SLC24A2: variants seen among roughly 807,000 people sequenced by gnomAD.
SLC24A2 encodes the protein solute carrier family 24 member 2, also known as sodium/potassium/calcium exchanger 2.
In SLC24A2, 36 loss-of-function variants were observed where a neutral mutation model predicts 62.0. That is an observed-to-expected ratio of 0.58 (90% CI 0.44 to 0.77). The LOEUF (loss-of-function observed/expected upper bound fraction) is 0.77, where lower values mean the gene tolerates loss of function less well. Among genes scored for constraint, SLC24A2 ranks in the 30% least tolerant of loss-of-function variants. SLC24A2 has a pLI of 0.00. For missense variants in SLC24A2, 846 were observed against 817.9 expected (o/e 1.03, Z -0.42); for synonymous variants, 358 against 294.0 (o/e 1.22, Z -2.23).
At chr9:20,235,259 C>A in the SLC24A2 span, among the ~76,000 whole-genome samples, 1 of 152,224 alleles carries the variant, frequency 6.6e-6, no homozygotes, top group Non-Finnish European at 1.5e-5. Context: ...AGCTGTCAGA[C>A]AGGGACATTT....
the SLC24A2 span, among the ~76,000 whole-genome samples, chr9:20,276,227 T>A: frequency 6.6e-6 from 1 of 152,314 alleles, no homozygotes; most frequent in East Asian, 1.9e-4. Flanking sequence ...GCAAGTTAAT[T>A]TCTTCCTAGA....
chr9:19,921,518 TAAAAAAAA>T, the SLC24A2 span, among the ~76,000 whole-genome samples: 6 of 123,208 alleles, frequency 4.9e-5, no homozygotes, highest in African/African-American at 1.6e-4. Flanking sequence ...AGACTCCGTG[TAAAAAAAA>T]AAAAAAAAAA....
the SLC24A2 span, among the ~76,000 whole-genome samples, chr9:19,816,758 CCAGAT>C: frequency 6.6e-6 from 1 of 151,962 alleles, no homozygotes; most frequent in Non-Finnish European, 1.5e-5. Flanking sequence ...TTTTAAACAA[CCAGAT>C]CTCATGAGAA....
chr9:19,550,308 A>T (rs1586941119), intron 7 of SLC24A2, 40 bp from the exon 8 acceptor site: 3 of 1,607,448 alleles, frequency 1.9e-6, no homozygotes, highest in East Asian at 4.5e-5. Flanking sequence ...AAACAAAAAA[A>T]TAAAATGTAC....
chr9:19,658,636 A>C (rs1342447055), intron 2 of SLC24A2, among the ~76,000 whole-genome samples: 1 of 151,998 alleles, frequency 6.6e-6, no homozygotes, highest in Non-Finnish European at 1.5e-5. Flanking sequence ...CACTCTCTTC[A>C]CTCTGCTGTA....
the SLC24A2 span, among the ~76,000 whole-genome samples, chr9:19,896,611 A>G: frequency 2.6e-5 from 4 of 152,306 alleles, no homozygotes; most frequent in South Asian, 8.3e-4. Context: ...GGAGCATTGG[A>G]GCAGTTAGGT....
At chr9:19,751,808 G>A (rs1236868533) in intron 2 of SLC24A2, among the ~76,000 whole-genome samples, 14 of 152,158 alleles carry the variant, frequency 9.2e-5, no homozygotes, top group South Asian at 2.1e-4. Flanking sequence ...AGGATCAGAC[G>A]TAGGAAGGGT....
At chr9:20,022,422 A>G in the SLC24A2 span, among the ~76,000 whole-genome samples, 1 of 152,222 alleles carries the variant, frequency 6.6e-6, no homozygotes, top group African/African-American at 2.4e-5. Context: ...AAGGCACAGA[A>G]CAATTATGCA....
the SLC24A2 span, among the ~76,000 whole-genome samples, chr9:20,081,670 G>C: frequency 6.6e-6 from 1 of 151,974 alleles, no homozygotes; most frequent in African/African-American, 2.4e-5. Flanking sequence ...AGGTCAAAGG[G>C]CATGTGTTAC....
At chr9:19,940,564 C>T in the SLC24A2 span, among the ~76,000 whole-genome samples, 2 of 152,054 alleles carry the variant, frequency 1.3e-5, no homozygotes, top group African/African-American at 4.8e-5. Context: ...TAACCCTCAC[C>T]CCTACCCCCA....
chr9:19,521,104 C>A (rs760157749), intron 9 of SLC24A2, 44 bp from the exon 10 acceptor site: 4 of 1,601,036 alleles, frequency 2.5e-6, no homozygotes, highest in Non-Finnish European at 2.6e-6. Flanking sequence ...TTTGAAGTTA[C>A]AAAATCATAA....
chr9:20,110,919 G>A, the SLC24A2 span, among the ~76,000 whole-genome samples: 92 of 152,148 alleles, frequency 6.0e-4, 1 homozygote, highest in African/African-American at 2.2e-3. Context: ...ACAATCAATG[G>A]CATGTCATAG....
At chr9:19,913,687 A>T in the SLC24A2 span, among the ~76,000 whole-genome samples, 5 of 152,214 alleles carry the variant, frequency 3.3e-5, no homozygotes, top group Admixed American at 3.3e-4. Context: ...TCCTTTATCA[A>T]ATACAATTTG....
At chr9:19,708,377 A>C (rs556593850) in intron 2 of SLC24A2, among the ~76,000 whole-genome samples, 8 of 152,232 alleles carry the variant, frequency 5.3e-5, no homozygotes, top group South Asian at 2.1e-4. Flanking sequence ...GCTACCAATG[A>C]CTTTCTTCAC....
chr9:19,515,453 C>G lies in SLC24A2; in HGVS notation c.*700G>C, dbSNP rs1161887246. 1.3e-5 allele frequency: 2 copies of G among 152,118 alleles called. No individual in the cohort carries two copies. Among genetic ancestry groups the G allele is most frequent in the Non-Finnish European group, 2.9e-5 (2 of 68,098 alleles). 9.4% of individuals were successfully genotyped at this position (152,118 alleles called of 1,614,324 possible). The stretch of plus-strand genomic sequence containing the variant: ...CCCCTACAGACCTTCTCCACTAAGC[C>G]CTCCTCCCTGCAAGCTATTTCCCTA... On this transcript the variant is annotated 3_prime_UTR_variant, in exon 11 of 11. Transcript: ENST00000341998.
At chr9:19,844,500 C>G in the SLC24A2 span, among the ~76,000 whole-genome samples, 2 of 152,044 alleles carry the variant, frequency 1.3e-5, no homozygotes, top group African/African-American at 4.8e-5. Context: ...TTTTGCTGTG[C>G]AGAAGCTCTT....
intron 2 of SLC24A2, among the ~76,000 whole-genome samples, chr9:19,650,471 G>A (rs1200614901): frequency 6.6e-6 from 1 of 152,170 alleles, no homozygotes; most frequent in Non-Finnish European, 1.5e-5. Context: ...GGCCCATCAT[G>A]TGCTTAGCCT....
upstream of SLC24A2, among the ~76,000 whole-genome samples, chr9:19,792,910 G>C (rs1823337471): frequency 6.6e-6 from 1 of 152,144 alleles, no homozygotes; most frequent in Non-Finnish European, 1.5e-5. Context: ...AGTATTCAAT[G>C]TGCACAAAAC....
intron 2 of SLC24A2, among the ~76,000 whole-genome samples, chr9:19,677,894 C>T (rs1427074426): frequency 1.3e-5 from 2 of 151,290 alleles, no homozygotes; most frequent in Admixed American, 6.6e-5. Flanking sequence ...TATAAGCAAA[C>T]ATAAGCATAT....
Sources: allele counts gnomAD v4.1 joint callset (sites outside exome capture counted in the v4.1 genomes callset), GRCh38; gene constraint gnomAD v4.1.1; transcripts MANE v1.5; gene names NCBI Gene and HGNC (gene_info 2026-07-23, HGNC 2026-07-21).